The following CAB39L variants were observed in gnomAD, a reference collection of about 807,000 sequenced individuals.
CAB39L encodes the protein calcium-binding protein 39-like.
CAB39L carries 23 observed loss-of-function variants against 39.1 expected under a neutral mutation model. The ratio of observed to expected loss-of-function variants is 0.59; its 90% CI spans 0.42 to 0.83. CAB39L has a LOEUF of 0.83. Among genes scored for constraint, CAB39L ranks in the 40% least tolerant of loss-of-function variants. The pLI, the probability that CAB39L is intolerant of heterozygous loss-of-function variation, is 0.00. For missense variants in CAB39L, 366 were observed against 391.9 expected, an observed-to-expected ratio of 0.93 and a Z score of 0.56; for synonymous variants, 126 against 137.2, an observed-to-expected ratio of 0.92 and a Z score of 0.57.
At position 49,442,804 on chromosome 13, in the gene CAB39L, A is replaced by C. The variant is rs80241615; in HGVS notation, c.-246+1182T>G. 8.0e-5 allele frequency among the ~76,000 whole-genome samples: 12 copies of C among 149,168 alleles called. No individual in the cohort carries two copies. The South Asian group carries it at 8.4e-4, about 10-fold the overall frequency. On this transcript the variant is annotated intron_variant, in intron 1 of 10. Coordinates refer to ENST00000409308, the MANE Select transcript of CAB39L (RefSeq NM_001079670.3). Reference sequence around the variant, plus strand: ...CTCCATCTCAAAAAAAAAAAAAAAAAAAAAAAAAAAAAAAACATCAATTAT... The same window carrying C: ...CTCCATCTCAAAAAAAAAAAAAAAACAAAAAAAAAAAAAAACATCAATTAT...
intron 10 of CAB39L, among the ~76,000 whole-genome samples, chr13:49,311,827 TA>T (rs1247208104): frequency 6.6e-6 from 1 of 152,190 alleles, no homozygotes; most frequent in Non-Finnish European, 1.5e-5. Context: ...AAAAAAGTTT[TA>T]AAAAATTAAA....
chr13:49,359,687 C>T (rs1365697697), intron 6 of CAB39L, 27 bp downstream of exon 6: 4 of 1,249,790 alleles, frequency 3.2e-6, no homozygotes, highest in Non-Finnish European at 4.6e-6. Context: ...AAACTTAGCC[C>T]TACTTGAAAG....
At chr13:49,362,523 A>C (rs1955663304) in intron 5 of CAB39L, among the ~76,000 whole-genome samples, 1 of 152,060 alleles carries the variant, frequency 6.6e-6, no homozygotes, top group Non-Finnish European at 1.5e-5. Flanking sequence ...GCTTGCAGAC[A>C]GGCTATTTGA....
intron 5 of CAB39L, among the ~76,000 whole-genome samples, chr13:49,366,989 C>G (rs1955792448): frequency 6.6e-6 from 1 of 152,050 alleles, no homozygotes; most frequent in East Asian, 1.9e-4. Flanking sequence ...GGCAACAGAC[C>G]AAGATCCTGC....
chr13:49,357,035 C>A (rs191070811), intron 6 of CAB39L, among the ~76,000 whole-genome samples: 4 of 137,252 alleles, frequency 2.9e-5, no homozygotes, highest in Non-Finnish European at 4.6e-5. Context: ...GGCGACAGAG[C>A]GAGACTCCAT....
chr13:49,426,572 G>T (rs949296112), intron 3 of CAB39L, among the ~76,000 whole-genome samples: 3 of 152,044 alleles, frequency 2.0e-5, no homozygotes, highest in Non-Finnish European at 4.4e-5. Flanking sequence ...GACTACAGGC[G>T]CCTGCCACCA....
chr13:49,383,659 A>G (rs1956294316), intron 3 of CAB39L, among the ~76,000 whole-genome samples: 1 of 152,186 alleles, frequency 6.6e-6, no homozygotes, highest in African/African-American at 2.4e-5. Flanking sequence ...TTTTCCTAGT[A>G]CATATAAAAG....
chr13:49,325,560 G>A (rs1161096895), intron 10 of CAB39L, among the ~76,000 whole-genome samples: 2 of 152,014 alleles, frequency 1.3e-5, no homozygotes, highest in African/African-American at 2.4e-5. Flanking sequence ...AGGCTGAGAC[G>A]GGCGGATCAC....
In CAB39L at chr13:49,309,851, G is replaced by C. The variant is rs1180774939; in HGVS notation, c.*963C>G. On this transcript the variant is annotated 3_prime_UTR_variant, in exon 11 of 11. Transcript: ENST00000409308. ...TGGATCTGAGAATTTTTTCACACAT[G>C]AATCATTTCTCCTTCCAATGGTTAT... is the stretch of plus-strand genomic sequence containing the variant. 6.6e-6 allele frequency: 1 copy of C among 152,128 alleles called. No homozygotes were observed. The highest frequency in any genetic ancestry group is 2.4e-5 in the African/African-American group (1 of 41,432). The allele number at this position is 152,128 out of a possible 1,614,324, so 9.4% of individuals were successfully genotyped here.
chr13:49,440,967 T>C (rs1957507601), intron 1 of CAB39L, among the ~76,000 whole-genome samples: 2 of 152,014 alleles, frequency 1.3e-5, no homozygotes, highest in Admixed American at 1.3e-4. Flanking sequence ...TCTTTTCCTA[T>C]GTGGATGCCT....
At chr13:49,345,844 C>T (rs1023727267) in intron 7 of CAB39L, among the ~76,000 whole-genome samples, 2 of 151,758 alleles carry the variant, frequency 1.3e-5, no homozygotes, top group East Asian at 1.9e-4. Flanking sequence ...GCAGGCCCAG[C>T]GCACACAGCC....
Position 49,377,345 on chromosome 13 carries a change from C to T in CAB39L, c.112-214G>A, listed in dbSNP as rs540921435. Among the ~76,000 whole-genome samples, 222 of 101,180 alleles carry T rather than the reference C, an allele frequency of 2.2e-3. 58 individuals carry two copies. The highest frequency in any genetic ancestry group is 3.0e-4 in the Non-Finnish European group (15 of 49,238). The allele number at this position is 101,180 out of a possible 152,430, so 66.4% of individuals were successfully genotyped here. A position where few individuals can be genotyped will look rare whatever the true frequency, so the allele number is the denominator to read the frequency against. ...CTTGCATTTACATATCAAAGGTTGC[C>T]AGCCTGGCTCTAAGAGCCGGGGCTA... On this transcript the variant is annotated intron_variant, in intron 4 of 10. Coordinates refer to ENST00000409308, the MANE Select transcript of CAB39L (RefSeq NM_001079670.3).
chr13:49,333,981 A>G (rs1954783093), intron 9 of CAB39L, among the ~76,000 whole-genome samples: 1 of 152,132 alleles, frequency 6.6e-6, no homozygotes, highest in Admixed American at 6.5e-5. Flanking sequence ...TGTTAATGGC[A>G]CCAGGAGCTG....
At chr13:49,419,785 C>T (rs1566131710) in intron 3 of CAB39L, among the ~76,000 whole-genome samples, 1 of 152,118 alleles carries the variant, frequency 6.6e-6, no homozygotes, top group Non-Finnish European at 1.5e-5. Context: ...TTATGACCTT[C>T]CCCTCCCCAC....
chr13:49,405,786 G>A (rs1956865318), intron 3 of CAB39L, among the ~76,000 whole-genome samples: 1 of 148,684 alleles, frequency 6.7e-6, no homozygotes, highest in South Asian at 2.2e-4. Context: ...AGGGAGGGAG[G>A]GAGGAGGGAG....
At chr13:49,402,414 T>C (rs1956794472) in intron 3 of CAB39L, among the ~76,000 whole-genome samples, 2 of 152,180 alleles carry the variant, frequency 1.3e-5, no homozygotes, top group South Asian at 4.1e-4. Flanking sequence ...GAATACGTGC[T>C]GGCTCTGTAT....
chr13:49,411,214 G>A (rs976916924), intron 3 of CAB39L, among the ~76,000 whole-genome samples: 2 of 151,970 alleles, frequency 1.3e-5, no homozygotes, highest in African/African-American at 2.4e-5. Flanking sequence ...TTTGAGACCA[G>A]CCTGGGCAAC....
At chr13:49,323,895 A>G (rs750854722) in intron 10 of CAB39L, among the ~76,000 whole-genome samples, 19 of 152,148 alleles carry the variant, frequency 1.2e-4, no homozygotes, top group Non-Finnish European at 2.1e-4. Flanking sequence ...TAATGTTAGT[A>G]TGTTCCGTGC....
intron 10 of CAB39L, among the ~76,000 whole-genome samples, chr13:49,323,971 C>G (rs1954428955): frequency 6.6e-6 from 1 of 152,046 alleles, no homozygotes; most frequent in Non-Finnish European, 1.5e-5. Flanking sequence ...TCTGGCAATC[C>G]TTATCTGGTT....
Sources: allele counts gnomAD v4.1 joint callset (sites outside exome capture counted in the v4.1 genomes callset), GRCh38; gene constraint gnomAD v4.1.1; transcripts MANE v1.5; gene names NCBI Gene and HGNC (gene_info 2026-07-23, HGNC 2026-07-21).